The following RALYL variants were observed in gnomAD, a reference collection of about 807,000 sequenced individuals.
The protein encoded by RALYL is RNA-binding Raly-like protein.
Under a neutral mutation model 35.1 loss-of-function variants are expected in RALYL, and 29 were observed. That is an observed-to-expected ratio of 0.83 (90% CI 0.61 to 1.13). The LOEUF is 1.13. RALYL is among the 50% of genes most tolerant of loss of function. The probability of loss-of-function intolerance (pLI) is 0.00; values close to 1 mark genes in which losing one functional copy is unlikely to be tolerated. For missense variants in RALYL, 359 were observed against 360.4 expected (o/e 1.00, Z 0.03); for synonymous variants, 120 against 127.6 (o/e 0.94, Z 0.40).
intron 1 of RALYL, among the ~76,000 whole-genome samples, chr8:84,425,821 GTGTA>G (rs2046365031): frequency 6.6e-6 from 1 of 150,810 alleles, no homozygotes; most frequent in African/African-American, 2.5e-5. Context: ...GTGTGTGTGT[GTGTA>G]AGTTGCTTGA....
chr8:84,909,907 A>G (rs567739584), intron 8 of RALYL, among the ~76,000 whole-genome samples: 3 of 152,280 alleles, frequency 2.0e-5, no homozygotes, highest in Non-Finnish European at 1.5e-5. Flanking sequence ...AGGTATATTA[A>G]GGAGAAAATT....
intron 1 of RALYL, among the ~76,000 whole-genome samples, chr8:84,521,853 A>G (rs2134686900): frequency 6.6e-6 from 1 of 152,208 alleles, no homozygotes; most frequent in South Asian, 2.1e-4. Context: ...TTTGCTTTCC[A>G]ATTACTTAAT....
chr8:84,479,085 CAAAAAAAAAAAAAAAAAAAAAAAAAAA>C (rs56799862), intron 1 of RALYL, among the ~76,000 whole-genome samples: 1 of 21,824 alleles, frequency 4.6e-5, no homozygotes, highest in Non-Finnish European at 1.1e-4. Context: ...GACTCCGTCT[CAAAAAAAAAAAAAAAAAAAAAAAAAAA>C]AAAAAAAAAA....
At chr8:84,467,584 A>C (rs914614515) in intron 1 of RALYL, among the ~76,000 whole-genome samples, 10 of 150,530 alleles carry the variant, frequency 6.6e-5, no homozygotes, top group African/African-American at 1.9e-4. Context: ...ATTTTGGAAT[A>C]GGTGTGGTGT....
Position 84,803,390 on chromosome 8 carries a change from C to G in RALYL, c.333-1380C>G, listed in dbSNP as rs17797382. The stretch of plus-strand genomic sequence containing the variant: ...GTCATGTCTTATAAAGCAAATATAT[C>G]CAAACATTTTTCGTTGCTTCAGCTT... On this transcript the variant is annotated intron_variant, in intron 3 of 8. Coordinates refer to ENST00000521268, the MANE Select transcript of RALYL (RefSeq NM_173848.7). Among the ~76,000 whole-genome samples, 1,264 of 152,218 alleles carry G rather than the reference C, an allele frequency of 8.3e-3. 23 individuals carry two copies. Among genetic ancestry groups the G allele is most frequent in the South Asian group, 0.059 (285 of 4,822 alleles).
chr8:84,486,802 A>T (rs1256850884), intron 1 of RALYL, among the ~76,000 whole-genome samples: 2 of 152,112 alleles, frequency 1.3e-5, no homozygotes, highest in Non-Finnish European at 2.9e-5. Flanking sequence ...CTGAGTTTTT[A>T]AATGTATTTT....
At chr8:84,215,244 C>A (rs1391719353) in intron 1 of RALYL, among the ~76,000 whole-genome samples, 2 of 152,068 alleles carry the variant, frequency 1.3e-5, no homozygotes, top group East Asian at 1.9e-4. Context: ...CAGGAAAAAA[C>A]TGTCATATTT....
intron 8 of RALYL, among the ~76,000 whole-genome samples, chr8:84,895,518 GTTTC>G (rs1844605974): frequency 6.6e-6 from 1 of 151,890 alleles, no homozygotes; most frequent in South Asian, 2.1e-4. Context: ...GTGTTTGTTT[GTTTC>G]TTTGTTTTGA....
intron 2 of RALYL, among the ~76,000 whole-genome samples, chr8:84,531,764 T>A (rs773389879): frequency 6.6e-6 from 1 of 152,086 alleles, no homozygotes; most frequent in Non-Finnish European, 1.5e-5. Flanking sequence ...CACTTTTTAA[T>A]GAGCTACAGC....
At chr8:84,342,028 T>C (rs1350089023) in intron 1 of RALYL, among the ~76,000 whole-genome samples, 1 of 151,498 alleles carries the variant, frequency 6.6e-6, no homozygotes, top group Non-Finnish European at 1.5e-5. Context: ...TCATTTGCAT[T>C]ATGATAAAAT....
At chr8:84,426,226 TTTG>T (rs1357715697) in intron 1 of RALYL, among the ~76,000 whole-genome samples, 29 of 152,278 alleles carry the variant, frequency 1.9e-4, no homozygotes, top group African/African-American at 6.5e-4. Flanking sequence ...TTAGTTTTAG[TTTG>T]TTTTTGTGGC....
chr8:84,624,782 C>T (rs1010181163), intron 2 of RALYL, among the ~76,000 whole-genome samples: 1 of 152,150 alleles, frequency 6.6e-6, no homozygotes, highest in Non-Finnish European at 1.5e-5. Flanking sequence ...CTTACCCTAT[C>T]GAATTGTGAA....
intron 1 of RALYL, among the ~76,000 whole-genome samples, chr8:84,511,452 G>A (rs534372166): frequency 8.6e-5 from 13 of 152,014 alleles, no homozygotes; most frequent in African/African-American, 3.1e-4. Context: ...CATATTTATG[G>A]GGTACATGTG....
intron 8 of RALYL, among the ~76,000 whole-genome samples, chr8:84,903,320 A>G (rs1424120228): frequency 4.6e-5 from 7 of 152,174 alleles, no homozygotes; most frequent in African/African-American, 1.7e-4. Flanking sequence ...TTGATACATA[A>G]TTATCTTATT....
At chr8:84,640,879 G>A (rs1407590040) in intron 2 of RALYL, among the ~76,000 whole-genome samples, 4 of 151,618 alleles carry the variant, frequency 2.6e-5, no homozygotes. Flanking sequence ...TATAACACAG[G>A]GGACCAATCT....
intron 1 of RALYL, among the ~76,000 whole-genome samples, chr8:84,407,712 GA>G (rs2043682678): frequency 6.6e-6 from 1 of 152,006 alleles, no homozygotes; most frequent in African/African-American, 2.4e-5. Flanking sequence ...AATTATAAAT[GA>G]AAAGCTTTTA....
chr8:84,364,634 A>G (rs1853813272), intron 1 of RALYL, among the ~76,000 whole-genome samples: 1 of 152,160 alleles, frequency 6.6e-6, no homozygotes, highest in African/African-American at 2.4e-5. Flanking sequence ...ATAATACTGA[A>G]TTATGTGTGT....
chr8:84,743,811 A>G (rs147013940), intron 2 of RALYL, among the ~76,000 whole-genome samples: 86 of 152,218 alleles, frequency 5.6e-4, no homozygotes, highest in African/African-American at 1.8e-3. Flanking sequence ...TTTTGAAGAC[A>G]TTACGCTAAC....
chr8:84,209,699 A>C (rs1009462367), intron 1 of RALYL, among the ~76,000 whole-genome samples: 3 of 152,188 alleles, frequency 2.0e-5, no homozygotes, highest in Non-Finnish European at 4.4e-5. Context: ...GAAGTCCCTC[A>C]GTTTGTTTTA....
Sources: allele counts gnomAD v4.1 joint callset (sites outside exome capture counted in the v4.1 genomes callset), GRCh38; gene constraint gnomAD v4.1.1; transcripts MANE v1.5; gene names NCBI Gene and HGNC (gene_info 2026-07-23, HGNC 2026-07-21).